The following DACH1 variants were observed in gnomAD, a reference collection of about 807,000 sequenced individuals.
The protein encoded by DACH1 is dachshund homolog 1.
In DACH1, 12 loss-of-function variants were observed where a neutral mutation model predicts 54.2. The ratio of observed to expected loss-of-function variants is 0.22; its 90% CI spans 0.14 to 0.36. DACH1 has a LOEUF of 0.36. Ranked by LOEUF, DACH1 falls within the 10% of genes least tolerant of loss-of-function variation. The pLI, the probability that DACH1 is intolerant of heterozygous loss-of-function variation, is 1.00. For synonymous variants in DACH1, 386 were observed against 366.2 expected, an observed-to-expected ratio of 1.05 and a Z score of -0.62; for missense variants, 805 against 929.8, an observed-to-expected ratio of 0.87 and a Z score of 1.75.
chr13:71,497,555 C>T (rs1276897791), intron 6 of DACH1, among the ~76,000 whole-genome samples: 1 of 152,074 alleles, frequency 6.6e-6, no homozygotes, highest in Non-Finnish European at 1.5e-5. Context: ...TGGTCTCGAA[C>T]TCCCCACCTT....
At chr13:71,553,011 G>A (rs1218541693) in intron 6 of DACH1, among the ~76,000 whole-genome samples, 9 of 147,494 alleles carry the variant, frequency 6.1e-5, no homozygotes. Flanking sequence ...GTGAAACCCT[G>A]TCTCTACTAA....
rs563788300 is a variant in DACH1, at chr13:71,535,481, C to A, written c.1570+21543G>T. ...TTTGGTCATGAAATAAGGAGACAGA[C>A]TTAGCAAATCTCATATAAAAATAAC... On this transcript the variant is annotated intron_variant, in intron 6 of 10. Coordinates refer to ENST00000613252, the MANE Select transcript of DACH1 (RefSeq NM_080759.6). Among the ~76,000 whole-genome samples, 4 of 151,978 alleles carry A rather than the reference C, an allele frequency of 2.6e-5. No individual in the cohort carries two copies. The South Asian group carries it at 8.3e-4, about 31-fold the overall frequency.
At chr13:71,539,865 T>G (rs575448505) in intron 6 of DACH1, among the ~76,000 whole-genome samples, 1 of 152,024 alleles carries the variant, frequency 6.6e-6, no homozygotes, top group Non-Finnish European at 1.5e-5. Context: ...AAGAATGCGG[T>G]CATGAAAGAA....
intron 6 of DACH1, among the ~76,000 whole-genome samples, chr13:71,552,818 TATATATATATATATATATATATATAG>T (rs1475400782): frequency 1.2e-3 from 69 of 58,068 alleles, no homozygotes; most frequent in African/African-American, 2.6e-3. Flanking sequence ...TATATATATA[TATATATATATATATATATATATATAG>T]AGAGAGAGAG....
At chr13:71,487,560 A>G (rs1878641672) in intron 7 of DACH1, among the ~76,000 whole-genome samples, 1 of 152,198 alleles carries the variant, frequency 6.6e-6, no homozygotes, top group Non-Finnish European at 1.5e-5. Context: ...GTCATATACA[A>G]TTCAAGAGTC....
intron 6 of DACH1, among the ~76,000 whole-genome samples, chr13:71,503,765 C>T (rs145901424): frequency 3.0e-3 from 456 of 152,258 alleles, no homozygotes; most frequent in African/African-American, 0.01. Context: ...AGGAATATTA[C>T]GGAAACTATT....
chr13:71,473,820 C>A (rs1877289116), intron 10 of DACH1, among the ~76,000 whole-genome samples: 1 of 152,124 alleles, frequency 6.6e-6, no homozygotes, highest in African/African-American at 2.4e-5. Flanking sequence ...ATAGCCCCTG[C>A]ATGTACACAT....
intron 2 of DACH1, among the ~76,000 whole-genome samples, chr13:71,665,042 T>C (rs1879740755): frequency 6.6e-6 from 1 of 152,002 alleles, no homozygotes; most frequent in Non-Finnish European, 1.5e-5. Flanking sequence ...GAGTGAGTTA[T>C]TAATAAAAGT....
intron 1 of DACH1, among the ~76,000 whole-genome samples, chr13:71,697,857 A>G (rs17088405): frequency 0.023 from 3,472 of 152,228 alleles, 98 homozygotes; most frequent in East Asian, 0.096. Context: ...TTTGCTGGCT[A>G]TTTGAAAAGT....
chr13:71,675,217 G>C lies in DACH1; in HGVS notation c.964+6578C>G, dbSNP rs373578338. ...GCCTGGTACTGTGGCGCTCCGTGAA[G>C]TTAGACGTTATCAGAAGTCCACTGA... On this transcript the variant is annotated intron_variant, in intron 2 of 10. Transcript: ENST00000613252. 1.5e-5 allele frequency: 24 copies of C among 1,574,560 alleles called. No individual in the cohort carries two copies. The African/African-American group carries it at 2.5e-4, about 16-fold the overall frequency.
At chr13:71,806,037 C>A (rs1887486051) in intron 1 of DACH1, among the ~76,000 whole-genome samples, 1 of 152,120 alleles carries the variant, frequency 6.6e-6, no homozygotes, top group Non-Finnish European at 1.5e-5. Flanking sequence ...GAACTCCCGA[C>A]CTCAGGTGAT....
At chr13:71,843,095 T>C (rs918887202) in intron 1 of DACH1, among the ~76,000 whole-genome samples, 8 of 152,178 alleles carry the variant, frequency 5.3e-5, no homozygotes, top group Non-Finnish European at 1.2e-4. Context: ...TAATTTTTAA[T>C]TTTTATGGGT....
At chr13:71,607,083 C>T (rs1874932950) in intron 3 of DACH1, among the ~76,000 whole-genome samples, 3 of 151,822 alleles carry the variant, frequency 2.0e-5, no homozygotes, top group Admixed American at 1.3e-4. Flanking sequence ...ATGGGATGAT[C>T]ATTTCTTTCA....
At chr13:71,581,252 A>G (rs2138434222) in intron 3 of DACH1, among the ~76,000 whole-genome samples, 1 of 152,172 alleles carries the variant, frequency 6.6e-6, no homozygotes, top group South Asian at 2.1e-4. Context: ...AATAACATGT[A>G]TTTGCCTAAT....
At chr13:71,553,726 A>T (rs34223882) in intron 6 of DACH1, among the ~76,000 whole-genome samples, 5,272 of 149,440 alleles carry the variant, frequency 0.035, 111 homozygotes, top group Middle Eastern at 0.072. Flanking sequence ...ATGTGAGCAT[A>T]CTTTATTTTT....
intron 1 of DACH1, among the ~76,000 whole-genome samples, chr13:71,729,332 G>A (rs1883632742): frequency 6.6e-6 from 1 of 151,926 alleles, no homozygotes; most frequent in Non-Finnish European, 1.5e-5. Context: ...ACACATATGA[G>A]AGAACATTCT....
chr13:71,608,605 C>T (rs1875065415), intron 3 of DACH1, among the ~76,000 whole-genome samples: 1 of 151,982 alleles, frequency 6.6e-6, no homozygotes. Context: ...AATGTCTCAA[C>T]TTATATCAAC....
chr13:71,853,880 T>C (rs754738737), intron 1 of DACH1, among the ~76,000 whole-genome samples: 7 of 152,202 alleles, frequency 4.6e-5, no homozygotes, highest in Non-Finnish European at 7.3e-5. Context: ...TCATTCCTTT[T>C]TGAAGTTATT....
intron 6 of DACH1, among the ~76,000 whole-genome samples, chr13:71,526,727 G>GGT (rs1881990553): frequency 6.9e-6 from 1 of 145,606 alleles, no homozygotes; most frequent in Non-Finnish European, 1.5e-5. Flanking sequence ...TATATATATA[G>GGT]GTATATATAT....
Sources: gnomAD v4.1 joint callset for allele counts (sites outside exome capture counted in the v4.1 genomes callset) on GRCh38, gnomAD v4.1.1 for gene constraint, MANE v1.5 for transcripts, NCBI Gene and HGNC (gene_info 2026-07-23, HGNC 2026-07-21) for gene names.